MAPKAPK3: variants seen among roughly 807,000 people sequenced by gnomAD.
MAPKAPK3 encodes the protein MAPK activated protein kinase 3, also known as MAP kinase-activated protein kinase 3.
In MAPKAPK3, 35 loss-of-function variants were observed where a neutral mutation model predicts 49.2. That is an observed-to-expected ratio of 0.71 (90% CI 0.54 to 0.94). The LOEUF is 0.94. Ranked by LOEUF, MAPKAPK3 falls within the 40% of genes least tolerant of loss-of-function variation. MAPKAPK3 has a pLI of 0.00. For synonymous variants in MAPKAPK3, 178 were observed against 188.7 expected, an observed-to-expected ratio of 0.94 and a Z score of 0.46; for missense variants, 398 against 493.1, an observed-to-expected ratio of 0.81 and a Z score of 1.83.
rs542284813 is a variant in MAPKAPK3 at position 50,641,507 on chromosome 3, A to G, written c.360-200A>G. Among the ~76,000 whole-genome samples, 8 of 152,166 alleles carry G rather than the reference A, an allele frequency of 5.3e-5. No individual in the cohort carries two copies. In the South Asian group the frequency reaches 1.7e-3, roughly 32 times the overall value. ...GAGCCCACCACCCTCTTCTAGTTCC[A>G]AGAGTTCAGTTCAACCCACCTAAGC... On this transcript the variant is annotated intron_variant, in intron 3 of 10. Coordinates refer to ENST00000621469, the MANE Select transcript of MAPKAPK3 (RefSeq NM_001243925.2).
intron 5 of MAPKAPK3, among the ~76,000 whole-genome samples, chr3:50,642,820 C>T (rs1046800395): frequency 6.6e-6 from 1 of 152,144 alleles, no homozygotes; most frequent in African/African-American, 2.4e-5. Context: ...GCAGGGGCTG[C>T]CTGATGCTGT....
At chr3:50,645,664 CAAGA>C in intron 6 of MAPKAPK3, 42 bp from the exon 7 acceptor site, 1 of 1,536,342 alleles carries the variant, frequency 6.5e-7, no homozygotes. Flanking sequence ...GCCTGGGCTC[CAAGA>C]CCCTTGGGTC....
chr3:50,643,035 A>G (rs942267762), intron 5 of MAPKAPK3, among the ~76,000 whole-genome samples: 1 of 152,088 alleles, frequency 6.6e-6, no homozygotes, highest in Non-Finnish European at 1.5e-5. Context: ...TATTTTTCGT[A>G]GAGATGGGGT....
intron 2 of MAPKAPK3, among the ~76,000 whole-genome samples, chr3:50,634,182 T>C (rs766217668): frequency 2.6e-5 from 4 of 152,210 alleles, no homozygotes; most frequent in Non-Finnish European, 5.9e-5. Context: ...AAACATCATC[T>C]CAAATTCAAT....
At chr3:50,647,248 G>A (rs1230973895) in intron 10 of MAPKAPK3, 45 bp downstream of exon 10, 2 of 1,521,536 alleles carry the variant, frequency 1.3e-6, no homozygotes, top group African/African-American at 2.8e-5. Flanking sequence ...CCAGGATTTG[G>A]GCAAAAGGGA....
intron 2 of MAPKAPK3, among the ~76,000 whole-genome samples, chr3:50,618,546 G>A (rs1433110889): frequency 1.3e-5 from 2 of 152,130 alleles, no homozygotes; most frequent in South Asian, 2.1e-4. Context: ...TGGGCCTAGG[G>A]CCACACCCCA....
chr3:50,617,112 T>TGGGGGGGGGGGGGGGGGGGGG (rs1293236414), upstream of MAPKAPK3: 1 of 4,418 alleles, frequency 2.3e-4, no homozygotes, highest in Non-Finnish European at 5.1e-4. Flanking sequence ...GAGGGGGGGG[T>TGGGGGGGGGGGGGGGGGGGGG]GGGGAGGGGG....
In MAPKAPK3 at chr3:50,617,761, A is replaced by G. The variant is rs750410127; in HGVS notation, c.196A>G (p.Thr66Ala). The G allele has an allele frequency of 6.2e-7, 1 of 1,613,570 alleles. No homozygotes were observed. Residue 66 changes from threonine to alanine, a missense_variant, in exon 2 of 11, where the codon ACT becomes GCT. Around this residue, in one of 5 missense-constraint regions of MAPKAPK3, gnomAD observed 123 missense variants for 117.7 expected, o/e 1.04. Transcript: ENST00000621469. ...GKVLECFHRR[T>A]GQKCALKLLY... ...AGTGCTGGAGTGCTTCCATCGGCGCACTGGACAGAAGTGTGCCCTGAAGGT... is the reference window on the plus strand; with the variant it reads ...AGTGCTGGAGTGCTTCCATCGGCGCGCTGGACAGAAGTGTGCCCTGAAGGT...
intron 2 of MAPKAPK3, among the ~76,000 whole-genome samples, chr3:50,629,849 A>G (rs2032859216): frequency 6.6e-6 from 1 of 152,190 alleles, no homozygotes; most frequent in African/African-American, 2.4e-5. Flanking sequence ...GAGGCCATCA[A>G]AATTTAGTAA....
intron 5 of MAPKAPK3, among the ~76,000 whole-genome samples, chr3:50,644,093 C>T (rs2033236049): frequency 1.3e-5 from 2 of 152,220 alleles, no homozygotes; most frequent in South Asian, 2.1e-4. Flanking sequence ...CTTCCCCCAG[C>T]ACCCTTGCTC....
chr3:50,623,240 C>T (rs912781252), intron 2 of MAPKAPK3, among the ~76,000 whole-genome samples: 9 of 152,202 alleles, frequency 5.9e-5, no homozygotes, highest in Non-Finnish European at 2.9e-5. Context: ...CAACGCTGCT[C>T]CTTACCTAGA....
intron 2 of MAPKAPK3, among the ~76,000 whole-genome samples, chr3:50,623,627 A>C (rs896144918): frequency 1.3e-5 from 2 of 152,224 alleles, no homozygotes; most frequent in Non-Finnish European, 2.9e-5. Context: ...CAAGGCACAG[A>C]ATGAGTTGTC....
intron 2 of MAPKAPK3, among the ~76,000 whole-genome samples, chr3:50,625,646 G>T (rs2107578892): frequency 6.6e-6 from 1 of 152,238 alleles, no homozygotes; most frequent in South Asian, 2.1e-4. Flanking sequence ...CTTTGTCTTT[G>T]CTGCCTTCTC....
rs1262884842 is a variant in MAPKAPK3 at position 50,647,186 on chromosome 3, C to G, written c.979C>G (p.His327Asp). 1 of 1,593,882 alleles carries G rather than the reference C, an allele frequency of 6.3e-7. No homozygotes were observed. Among genetic ancestry groups the G allele is most frequent in the Non-Finnish European group, 8.5e-7 (1 of 1,170,068 alleles). The change falls in exon 10 of 11, where the codon CAC (histidine) becomes GAC (aspartate). Residue 327 changes from histidine to aspartate, a missense_variant. His to Asp is a moderately conservative substitution (Grantham distance 81). Transcript: ENST00000621469. ...TARVLQEDKD[H>D]WDEVKEEMTS... Reference sequence around the variant, plus strand: ...CCGAGTGCTGCAGGAGGACAAAGACCACTGGGACGAAGTCAAGGTGGGTGG... The same window carrying G: ...CCGAGTGCTGCAGGAGGACAAAGACGACTGGGACGAAGTCAAGGTGGGTGG...
At chr3:50,630,983 A>C (rs1018954993) in intron 2 of MAPKAPK3, among the ~76,000 whole-genome samples, 11 of 152,198 alleles carry the variant, frequency 7.2e-5, no homozygotes, top group South Asian at 2.1e-4. Flanking sequence ...TTCCCTCAGC[A>C]CCTACCTGGG....
upstream of MAPKAPK3, among the ~76,000 whole-genome samples, chr3:50,613,332 C>T (rs541432752): frequency 5.9e-5 from 9 of 152,290 alleles, no homozygotes; most frequent in East Asian, 1.5e-3. Context: ...GGGGAAAAAA[C>T]GTTAAGTTTC....
chr3:50,622,769 A>G (rs1357711135), intron 2 of MAPKAPK3, among the ~76,000 whole-genome samples: 1 of 152,222 alleles, frequency 6.6e-6, no homozygotes, highest in Non-Finnish European at 1.5e-5. Flanking sequence ...CTCATGGAGA[A>G]TTCCTGGGAG....
At position 50,648,346 on chromosome 3, in the gene MAPKAPK3, G is replaced by A; in HGVS notation, c.*300G>A. The A allele has an allele frequency of 3.8e-6, 1 of 264,444 alleles. No individual in the cohort carries two copies. The highest frequency in any genetic ancestry group is 2.2e-5 in the African/African-American group (1 of 45,156). The allele number at this position is 264,444 out of a possible 1,614,324, so 16.4% of individuals were successfully genotyped here. A position where few individuals can be genotyped will look rare whatever the true frequency, so the allele number is the denominator to read the frequency against. On this transcript the variant is annotated 3_prime_UTR_variant, in exon 11 of 11. Transcript: ENST00000621469. ...GGCCTCTGTGCTGTCCTGCCCTGGTGCATGGCCTTAGCTTTCTAGGCCACT... is the reference window on the plus strand; with the variant it reads ...GGCCTCTGTGCTGTCCTGCCCTGGTACATGGCCTTAGCTTTCTAGGCCACT...
chr3:50,643,857 C>A (rs1017952697), intron 5 of MAPKAPK3, among the ~76,000 whole-genome samples: 2 of 152,002 alleles, frequency 1.3e-5, no homozygotes, highest in Non-Finnish European at 2.9e-5. Flanking sequence ...CATTAAAAAC[C>A]AGTTTCAGGG....
Sources: allele counts gnomAD v4.1 joint callset (sites outside exome capture counted in the v4.1 genomes callset), GRCh38; gene constraint gnomAD v4.1.1; regional missense constraint gnomAD v4.1.1; transcripts MANE v1.5; gene names NCBI Gene and HGNC (gene_info 2026-07-23, HGNC 2026-07-21).